Variants in KANK4 observed in about 807,000 individuals in gnomAD.
The protein encoded by KANK4 is KN motif and ankyrin repeat domains 4.
In KANK4, 50 loss-of-function variants were observed where a neutral mutation model predicts 80.8. That is an observed-to-expected ratio of 0.62 (90% CI 0.49 to 0.78). The LOEUF (loss-of-function observed/expected upper bound fraction) is 0.78, where lower values mean the gene tolerates loss of function less well. Ranked by LOEUF, KANK4 falls within the 30% of genes least tolerant of loss-of-function variation. The probability of loss-of-function intolerance (pLI) is 0.00; values close to 1 mark genes in which losing one functional copy is unlikely to be tolerated. For missense variants in KANK4, 1,196 were observed against 1,240.1 expected (o/e 0.96, Z 0.53); for synonymous variants, 465 against 506.9 (o/e 0.92, Z 1.11).
At chr1:62,288,541 C>T (rs950089370) in intron 1 of KANK4, among the ~76,000 whole-genome samples, 5 of 144,876 alleles carry the variant, frequency 3.5e-5, no homozygotes, top group African/African-American at 9.8e-5. Flanking sequence ...CAGTCATTCC[C>T]ACAGAATGCA....
intron 1 of KANK4, among the ~76,000 whole-genome samples, chr1:62,297,325 T>C (rs1158326226): frequency 6.6e-6 from 1 of 152,194 alleles, no homozygotes; most frequent in Non-Finnish European, 1.5e-5. Context: ...TGTTGTCCTA[T>C]ATTGTACAAA....
At chr1:62,290,786 C>T (rs1672663163) in intron 1 of KANK4, among the ~76,000 whole-genome samples, 2 of 151,780 alleles carry the variant, frequency 1.3e-5, no homozygotes, top group African/African-American at 4.8e-5. Context: ...ACTCTGTCGC[C>T]CAGGCTGGAG....
At chr1:62,295,423 G>A (rs1447777999) in intron 1 of KANK4, among the ~76,000 whole-genome samples, 1 of 152,208 alleles carries the variant, frequency 6.6e-6, no homozygotes, top group African/African-American at 2.4e-5. Context: ...CTCCCACAGT[G>A]CTGGGATTAC....
At chr1:62,287,389 T>C (rs1672593448) in intron 1 of KANK4, among the ~76,000 whole-genome samples, 1 of 152,194 alleles carries the variant, frequency 6.6e-6, no homozygotes, top group African/African-American at 2.4e-5. Flanking sequence ...ACACATCACA[T>C]GTAGCCCTGA....
At chr1:62,249,163 C>CA (rs10695105) in intron 8 of KANK4, among the ~76,000 whole-genome samples, 40 of 136,372 alleles carry the variant, frequency 2.9e-4, no homozygotes, top group African/African-American at 6.3e-4. Context: ...AAATCTGTCT[C>CA]AAAAAAAAAA....
intron 7 of KANK4, 46 bp from the exon 8 acceptor site, chr1:62,253,255 G>A (rs1671666185): frequency 3.2e-6 from 5 of 1,558,652 alleles, no homozygotes; most frequent in East Asian, 2.3e-5. Flanking sequence ...GAGGGGCCAG[G>A]AGCCAGACTC....
chr1:62,290,485 C>T (rs902396215), intron 1 of KANK4, among the ~76,000 whole-genome samples: 2 of 152,190 alleles, frequency 1.3e-5, no homozygotes, highest in African/African-American at 2.4e-5. Flanking sequence ...CAGCTCAGTA[C>T]ACCGTGTGAA....
rs1671243935 is a variant in KANK4, at chr1:62,237,965, T to A, written c.*312A>T. 3.8e-6 allele frequency: 1 copy of A among 265,678 alleles called. No individual in the cohort carries two copies. Among genetic ancestry groups the A allele is most frequent in the Non-Finnish European group, 7.2e-6 (1 of 139,434 alleles). The allele number at this position is 265,678 out of a possible 1,614,324, so 16.5% of individuals were successfully genotyped here. On this transcript the variant is annotated 3_prime_UTR_variant, in exon 10 of 10. Transcript: ENST00000371153. ...CTGCCTGCCTGCTTGCTACACAATG[T>A]TACAGAGGGTAGAGTCATGAGGAAT...
chr1:62,314,485 G>A (rs935710575), intron 1 of KANK4, among the ~76,000 whole-genome samples: 2 of 152,120 alleles, frequency 1.3e-5, no homozygotes, highest in African/African-American at 2.4e-5. Context: ...GAGAGCTGGC[G>A]TCTCCGGGCT....
intron 1 of KANK4, among the ~76,000 whole-genome samples, chr1:62,313,433 T>C (rs1644513312): frequency 6.6e-6 from 1 of 152,186 alleles, no homozygotes; most frequent in African/African-American, 2.4e-5. Flanking sequence ...TTAGTAAACT[T>C]GAATAATGTT....
At chr1:62,243,543 TG>T (rs1285790622) in intron 9 of KANK4, among the ~76,000 whole-genome samples, 2 of 152,118 alleles carry the variant, frequency 1.3e-5, no homozygotes, top group African/African-American at 4.8e-5. Flanking sequence ...TTCAAAATGT[TG>T]GCCAGGCTGG....
chr1:62,278,072 AC>A (rs1430654672), intron 2 of KANK4, among the ~76,000 whole-genome samples: 13 of 152,298 alleles, frequency 8.5e-5, no homozygotes, highest in African/African-American at 3.1e-4. Context: ...ATGCACGCGA[AC>A]AAGCTTTGAC....
chr1:62,306,295 A>G (rs1644450754), intron 1 of KANK4, among the ~76,000 whole-genome samples: 1 of 152,180 alleles, frequency 6.6e-6, no homozygotes, highest in Admixed American at 6.5e-5. Flanking sequence ...TAGACCACAG[A>G]CTTTCTTTAC....
rs1672218307 is a variant in KANK4, at chr1:62,273,485, G to A, written c.1619C>T (p.Ser540Phe). The change falls in exon 3 of 10, where the codon TCC (serine) becomes TTC (phenylalanine). Residue 540 changes from serine (S) to phenylalanine (F), a missense_variant. Around this residue, in one of 3 missense-constraint regions of KANK4, gnomAD observed 1,154 missense variants for 1,179.6 expected, o/e 0.98. Coordinates refer to ENST00000371153, the MANE Select transcript of KANK4 (RefSeq NM_181712.5). Reference protein sequence around the residue: ...TPPAGREETSSNLPGKEHPGR... With the variant: ...TPPAGREETSFNLPGKEHPGR... ...CGGGTGCTCCTTCCCTGGGAGATTG[G>A]AACTGGTCTCCTCCCTCCCTGCTGG... 6.2e-7 allele frequency: 1 copy of A among 1,614,052 alleles called. No individual in the cohort carries two copies. The highest frequency in any genetic ancestry group is 8.5e-7 in the Non-Finnish European group (1 of 1,179,974).
chr1:62,277,277 G>A (rs1672335538), intron 2 of KANK4, among the ~76,000 whole-genome samples: 1 of 152,176 alleles, frequency 6.6e-6, no homozygotes, highest in South Asian at 2.1e-4. Context: ...CTAGGTAGGA[G>A]AGGGATGAGT....
intron 9 of KANK4, among the ~76,000 whole-genome samples, chr1:62,243,549 G>A (rs940498247): frequency 1.3e-5 from 2 of 152,124 alleles, no homozygotes; most frequent in Non-Finnish European, 2.9e-5. Flanking sequence ...ATGTTGGCCA[G>A]GCTGGTCTTG....
chr1:62,252,649 A>G (rs1671651374), intron 8 of KANK4, among the ~76,000 whole-genome samples: 1 of 152,228 alleles, frequency 6.6e-6, no homozygotes, highest in African/African-American at 2.4e-5. Context: ...CAGAGGTGAG[A>G]ACTTCTTTAA....
chr1:62,299,260 T>C (rs915280514), intron 1 of KANK4, among the ~76,000 whole-genome samples: 1 of 152,058 alleles, frequency 6.6e-6, no homozygotes, highest in African/African-American at 2.4e-5. Context: ...AGGCTCTCAT[T>C]ATGTTCCCCA....
At chr1:62,292,569 C>G (rs1162480409) in intron 1 of KANK4, among the ~76,000 whole-genome samples, 1 of 152,194 alleles carries the variant, frequency 6.6e-6, no homozygotes, top group African/African-American at 2.4e-5. Context: ...TAGTAAATAA[C>G]TACTCTTTAA....
Sources: gnomAD v4.1 joint callset for allele counts (sites outside exome capture counted in the v4.1 genomes callset) on GRCh38, gnomAD v4.1.1 for gene constraint, gnomAD v4.1.1 regional missense constraint, MANE v1.5 for transcripts, NCBI Gene and HGNC (gene_info 2026-07-23, HGNC 2026-07-21) for gene names.